The following SLC25A28 variants were observed in gnomAD, a reference collection of about 807,000 sequenced individuals.
The protein encoded by SLC25A28 is mitoferrin-2.
In SLC25A28, 10 loss-of-function variants were observed where a neutral mutation model predicts 31.9. That is an observed-to-expected ratio of 0.31 (90% CI 0.19 to 0.53). The LOEUF (loss-of-function observed/expected upper bound fraction) is 0.53. Among genes scored for constraint, SLC25A28 ranks in the 20% least tolerant of loss-of-function variants. The pLI is 0.95. For synonymous variants in SLC25A28, 208 were observed against 203.6 expected (o/e 1.02, Z -0.19); for missense variants, 256 against 490.3 (o/e 0.52, Z 4.51).
upstream of SLC25A28, chr10:99,622,620 T>G: frequency 1.0e-6 from 1 of 984,814 alleles, no homozygotes; most frequent in Non-Finnish European, 1.2e-6. Context: ...AGATAACACT[T>G]GCCGCCACAC....
chr10:99,655,757 C>T, the SLC25A28 span, among the ~76,000 whole-genome samples: 1 of 152,084 alleles, frequency 6.6e-6, no homozygotes, highest in Non-Finnish European at 1.5e-5. Context: ...CCATTTAAAC[C>T]AATATTTTGT....
At chr10:99,624,284 A>C (rs2034844919), upstream of SLC25A28, among the ~76,000 whole-genome samples, 1 of 139,896 alleles carries the variant, frequency 7.1e-6, no homozygotes. Flanking sequence ...TTGTAGAGAC[A>C]GGGTCTTGCT....
the SLC25A28 span, among the ~76,000 whole-genome samples, chr10:99,649,913 AT>A: frequency 6.6e-6 from 1 of 151,526 alleles, no homozygotes; most frequent in South Asian, 2.1e-4. Flanking sequence ...TCATTCATTG[AT>A]TTTTTTTGGT....
At chr10:99,647,920 C>T in the SLC25A28 span, among the ~76,000 whole-genome samples, 3 of 152,192 alleles carry the variant, frequency 2.0e-5, no homozygotes, top group East Asian at 5.8e-4. Context: ...TGTCCTTTCC[C>T]CAGTGTTTAT....
At chr10:99,653,580 A>AT in the SLC25A28 span, among the ~76,000 whole-genome samples, 9 of 152,192 alleles carry the variant, frequency 5.9e-5, no homozygotes, top group Non-Finnish European at 1.3e-4. Context: ...GTAGCAACAG[A>AT]TAAGTAATAC....
At chr10:99,640,201 A>G in the SLC25A28 span, among the ~76,000 whole-genome samples, 1 of 152,220 alleles carries the variant, frequency 6.6e-6, no homozygotes, top group Admixed American at 6.5e-5. Flanking sequence ...GTAGCTTAAA[A>G]CAATAAATAT....
At chr10:99,646,547 C>T in the SLC25A28 span, among the ~76,000 whole-genome samples, 1 of 152,134 alleles carries the variant, frequency 6.6e-6, no homozygotes, top group Non-Finnish European at 1.5e-5. Flanking sequence ...GCTCACGCTC[C>T]ATGGGCTGCA....
the SLC25A28 span, among the ~76,000 whole-genome samples, chr10:99,632,222 G>C: frequency 1.9e-4 from 29 of 152,264 alleles, no homozygotes; most frequent in South Asian, 5.8e-3. Flanking sequence ...AAGCAATAAA[G>C]TATAATGACT....
intron 1 of SLC25A28, chr10:99,615,550 G>C (rs1190948323): frequency 1.0e-6 from 1 of 985,244 alleles, no homozygotes; most frequent in African/African-American, 1.7e-5. Context: ...TAAAAGGTTA[G>C]TTACTGGATG....
chr10:99,631,854 T>C, the SLC25A28 span, among the ~76,000 whole-genome samples: 2 of 151,074 alleles, frequency 1.3e-5, no homozygotes, highest in Admixed American at 1.3e-4. Flanking sequence ...AAAATGCATC[T>C]GTACTGAACA....
chr10:99,651,801 G>A, the SLC25A28 span, among the ~76,000 whole-genome samples: 9 of 151,898 alleles, frequency 5.9e-5, no homozygotes, highest in African/African-American at 2.2e-4. Flanking sequence ...GTCTGACTGT[G>A]TTGCTCAGGC....
chr10:99,616,021 T>C, intron 1 of SLC25A28: 1 of 985,434 alleles, frequency 1.0e-6, no homozygotes, highest in Non-Finnish European at 1.2e-6. Context: ...TACACCCTTA[T>C]GGAGAGGACC....
At chr10:99,658,831 G>C in the SLC25A28 span, among the ~76,000 whole-genome samples, 2 of 152,094 alleles carry the variant, frequency 1.3e-5, no homozygotes, top group Non-Finnish European at 2.9e-5. Context: ...ACACCCACGC[G>C]CGCGCGTCGT....
the SLC25A28 span, among the ~76,000 whole-genome samples, chr10:99,655,384 T>G: frequency 6.6e-6 from 1 of 152,188 alleles, no homozygotes; most frequent in African/African-American, 2.4e-5. Context: ...GATGTTTCAA[T>G]GAACTTTTGA....
the SLC25A28 span, among the ~76,000 whole-genome samples, chr10:99,632,998 G>A: frequency 6.6e-6 from 1 of 152,154 alleles, no homozygotes; most frequent in African/African-American, 2.4e-5. Context: ...ATCAGCACAG[G>A]ATAAATTTTG....
chr10:99,622,086 G>A (rs1227967793), upstream of SLC25A28, among the ~76,000 whole-genome samples: 2 of 152,298 alleles, frequency 1.3e-5, no homozygotes, highest in African/African-American at 2.4e-5. Flanking sequence ...TGAAGGCCGA[G>A]GTGGGACGAT....
the SLC25A28 span, among the ~76,000 whole-genome samples, chr10:99,645,129 G>A: frequency 5.3e-5 from 8 of 152,254 alleles, no homozygotes; most frequent in East Asian, 1.4e-3. Context: ...AGTTCTCCTG[G>A]ATAATATCCT....
chr10:99,648,879 G>C, the SLC25A28 span, among the ~76,000 whole-genome samples: 1 of 151,996 alleles, frequency 6.6e-6, no homozygotes, highest in Non-Finnish European at 1.5e-5. Context: ...GGGTTTTCTA[G>C]ATAGAAGATC....
At chr10:99,654,657 TAACAACAAC>T in the SLC25A28 span, among the ~76,000 whole-genome samples, 1 of 150,660 alleles carries the variant, frequency 6.6e-6, no homozygotes, top group Non-Finnish European at 1.5e-5. Flanking sequence ...CCCATCTCAA[TAACAACAAC>T]AACAACAACA....
Sources: gnomAD v4.1 joint callset for allele counts (sites outside exome capture counted in the v4.1 genomes callset) on GRCh38, gnomAD v4.1.1 for gene constraint, MANE v1.5 for transcripts, NCBI Gene and HGNC (gene_info 2026-07-23, HGNC 2026-07-21) for gene names.